The following MAPK10 variants were observed in gnomAD, a reference collection of about 807,000 sequenced individuals.
MAPK10 encodes JNK3 alpha protein kinase.
MAPK10 carries 25 observed loss-of-function variants against 59.3 expected under a neutral mutation model. The observed-to-expected ratio is 0.42, with a 90% CI of 0.31 to 0.59. MAPK10 has a LOEUF of 0.59. MAPK10 is among the 20% of genes least tolerant of loss of function. The pLI is 0.15. For synonymous variants in MAPK10, 190 were observed against 200.5 expected, an observed-to-expected ratio of 0.95 and a Z score of 0.44; for missense variants, 351 against 568.9, an observed-to-expected ratio of 0.62 and a Z score of 3.90.
At chr4:86,163,844 T>A (rs1335189521) in intron 3 of MAPK10, among the ~76,000 whole-genome samples, 1 of 152,112 alleles carries the variant, frequency 6.6e-6, no homozygotes, top group Non-Finnish European at 1.5e-5. Flanking sequence ...AATAATGTCA[T>A]AAAAGACTCT....
In MAPK10 at chr4:86,014,855, C is replaced by A; in HGVS notation, c.*2373G>T. 6.6e-6 allele frequency: 1 copy of A among 151,926 alleles called. No individual in the cohort carries two copies. The highest frequency in any genetic ancestry group is 2.1e-4 in the South Asian group (1 of 4,820). The allele number at this position is 151,926 out of a possible 1,614,324, so 9.4% of individuals were successfully genotyped here. On this transcript the variant is annotated 3_prime_UTR_variant, in exon 14 of 14. Coordinates refer to ENST00000641462, the MANE Select transcript of MAPK10 (RefSeq NM_138982.4). The stretch of plus-strand genomic sequence containing the variant: ...TGTCATCTTGCGGCTGATGAAATTC[C>A]CCTTGAGACTCTCTTTAAAGCAGCT...
chr4:86,343,489 T>C (rs772185416), intron 2 of MAPK10, among the ~76,000 whole-genome samples: 2 of 152,186 alleles, frequency 1.3e-5, no homozygotes, highest in Non-Finnish European at 2.9e-5. Flanking sequence ...TTTTCTCGAT[T>C]TTTTCAAGGG....
intron 1 of MAPK10, among the ~76,000 whole-genome samples, chr4:86,512,365 C>T (rs1033275971): frequency 6.6e-6 from 1 of 152,278 alleles, no homozygotes; most frequent in Non-Finnish European, 1.5e-5. Flanking sequence ...AAGGCATTGA[C>T]TGGAATATCA....
At chr4:86,285,135 G>C (rs2094950721) in intron 2 of MAPK10, among the ~76,000 whole-genome samples, 1 of 152,092 alleles carries the variant, frequency 6.6e-6, no homozygotes, top group African/African-American at 2.4e-5. Flanking sequence ...CAGTAGAGTA[G>C]ACCAGTAATG....
rs560772630 is a variant in MAPK10, at chr4:86,253,414, T to G, written c.-6-59007A>C. Among the ~76,000 whole-genome samples the G allele has an allele frequency of 2.9e-4, 35 of 120,452 alleles. 12 individuals are homozygous for G. The highest frequency in any genetic ancestry group is 1.6e-3 in the African/African-American group (33 of 20,520). The allele number at this position is 120,452 out of a possible 152,430, so 79.0% of individuals were successfully genotyped here. A position where few individuals can be genotyped will look rare whatever the true frequency, so the allele number is the denominator to read the frequency against. ...GTTGAATTTTGTCAAAGGCTTTTTC[T>G]GCATCTACTGACATAATCATGTGGT... On this transcript the variant is annotated intron_variant, in intron 2 of 13. Transcript: ENST00000641462.
At position 86,321,178 on chromosome 4, in the gene MAPK10, G is replaced by A. The variant is rs1280935727; in HGVS notation, c.-7+33352C>T. On this transcript the variant is annotated intron_variant, in intron 2 of 13. Coordinates refer to ENST00000641462, the MANE Select transcript of MAPK10 (RefSeq NM_138982.4). ...CAACCATTGTGGAAGTCAGTGTGGC[G>A]ATTCCTCAAGGATCTAGAACTAGAA... Among the ~76,000 whole-genome samples the A allele has an allele frequency of 2.6e-5, 4 of 151,988 alleles. No individual in the cohort carries two copies. In the East Asian group the frequency reaches 5.8e-4, roughly 22 times the overall value.
chr4:86,548,586 G>T (rs560781185), intron 1 of MAPK10, among the ~76,000 whole-genome samples: 1 of 152,324 alleles, frequency 6.6e-6, no homozygotes, highest in South Asian at 2.1e-4. Context: ...CATCCTCCTA[G>T]TGATAGGTTC....
chr4:86,592,057 C>T (rs767358465), intron 1 of MAPK10, among the ~76,000 whole-genome samples: 1 of 151,900 alleles, frequency 6.6e-6, no homozygotes, highest in African/African-American at 2.4e-5. Context: ...TAATGTTTTC[C>T]TCCTTTGACT....
In MAPK10 at chr4:86,387,913, G is replaced by C. The variant is rs969198787; in HGVS notation, c.-121-33269C>G. Among the ~76,000 whole-genome samples the C allele has an allele frequency of 6.6e-5, 10 of 151,350 alleles. 1 individual carries two copies. Among genetic ancestry groups the C allele is most frequent in the Admixed American group, 6.6e-4 (10 of 15,166 alleles). On this transcript the variant is annotated intron_variant, in intron 1 of 13. Coordinates refer to the MAPK10 transcript ENST00000361569. Reference sequence around the variant, plus strand: ...GGCTTTAAGACAGTTACTTAGAGTAGCTAGAAAGTTGTCTCTTTAAAAACT... The same window carrying C: ...GGCTTTAAGACAGTTACTTAGAGTACCTAGAAAGTTGTCTCTTTAAAAACT...
chr4:86,320,732 A>G (rs1032411564), intron 2 of MAPK10, among the ~76,000 whole-genome samples: 34 of 152,214 alleles, frequency 2.2e-4, no homozygotes, highest in Non-Finnish European at 8.8e-5. Flanking sequence ...AGCCTTGCAC[A>G]TGCCTATGTC....
chr4:86,390,643 T>G (rs1742068371), intron 1 of MAPK10, among the ~76,000 whole-genome samples: 1 of 152,190 alleles, frequency 6.6e-6, no homozygotes, highest in Non-Finnish European at 1.5e-5. Flanking sequence ...TGACTGGCAC[T>G]TTGAGAGTTG....
chr4:86,300,270 G>A (rs995612510), intron 2 of MAPK10, among the ~76,000 whole-genome samples: 1 of 152,018 alleles, frequency 6.6e-6, no homozygotes, highest in South Asian at 2.1e-4. Context: ...AATGCTTCCC[G>A]CCCTTCTTTG....
chr4:86,357,434 T>C (rs1393624682), intron 1 of MAPK10, among the ~76,000 whole-genome samples: 2 of 152,194 alleles, frequency 1.3e-5, no homozygotes, highest in Non-Finnish European at 2.9e-5. Flanking sequence ...GGGAGGTTTT[T>C]CTAGATTACT....
chr4:86,169,786 A>G (rs1238937212), intron 3 of MAPK10, among the ~76,000 whole-genome samples: 1 of 151,942 alleles, frequency 6.6e-6, no homozygotes, highest in Non-Finnish European at 1.5e-5. Context: ...GTTGAAATGA[A>G]GGAAAAAATG....
intron 1 of MAPK10, among the ~76,000 whole-genome samples, chr4:86,512,749 C>T (rs893488638): frequency 6.6e-6 from 1 of 152,112 alleles, no homozygotes; most frequent in Non-Finnish European, 1.5e-5. Flanking sequence ...TGTTCTGAAG[C>T]CCTGAAAACT....
chr4:86,359,286 CTCTGTG>C (rs1397797521), intron 1 of MAPK10, among the ~76,000 whole-genome samples: 83 of 118,106 alleles, frequency 7.0e-4, no homozygotes, highest in African/African-American at 2.7e-3. Context: ...CTCTCTCTCT[CTCTGTG>C]TGTGTGTGTG....
chr4:86,180,339 T>C (rs538236907), intron 3 of MAPK10, among the ~76,000 whole-genome samples: 2 of 151,964 alleles, frequency 1.3e-5, no homozygotes, highest in East Asian at 3.9e-4. Context: ...ATAATAAATG[T>C]TGGTGAGATA....
At chr4:86,201,869 T>G (rs899610384) in intron 2 of MAPK10, among the ~76,000 whole-genome samples, 3 of 151,798 alleles carry the variant, frequency 2.0e-5, no homozygotes, top group Non-Finnish European at 2.9e-5. Flanking sequence ...ATTTTTAATT[T>G]ATAATAATCC....
intron 2 of MAPK10, among the ~76,000 whole-genome samples, chr4:86,227,686 A>C (rs377560844): frequency 6.6e-6 from 1 of 152,142 alleles, no homozygotes; most frequent in African/African-American, 2.4e-5. Context: ...GACCAAAAAA[A>C]TATGTAGCCT....
Sources: allele counts gnomAD v4.1 joint callset (sites outside exome capture counted in the v4.1 genomes callset), GRCh38; gene constraint gnomAD v4.1.1; transcripts MANE v1.5; gene names NCBI Gene and HGNC (gene_info 2026-07-23, HGNC 2026-07-21).